Variants in ZMAT4 observed in about 807,000 individuals in gnomAD.
ZMAT4 encodes the protein zinc finger matrin-type protein 4.
In ZMAT4, 17 loss-of-function variants were observed where a neutral mutation model predicts 28.7. That is an observed-to-expected ratio of 0.59 (90% CI 0.41 to 0.89). ZMAT4 has a LOEUF of 0.89. Ranked by LOEUF, ZMAT4 falls within the 40% of genes least tolerant of loss-of-function variation. ZMAT4 has a pLI of 0.00. For synonymous variants in ZMAT4, 117 were observed against 109.2 expected, an observed-to-expected ratio of 1.07 and a Z score of -0.44; for missense variants, 240 against 283.8, an observed-to-expected ratio of 0.85 and a Z score of 1.11.
intron 5 of ZMAT4, among the ~76,000 whole-genome samples, chr8:40,621,102 A>G (rs543314175): frequency 5.3e-5 from 8 of 152,320 alleles, no homozygotes. Context: ...AGTGAGTACC[A>G]TGAAGAACAT....
chr8:40,890,699 T>G (rs534009874), intron 1 of ZMAT4, among the ~76,000 whole-genome samples: 1 of 152,296 alleles, frequency 6.6e-6, no homozygotes, highest in South Asian at 2.1e-4. Flanking sequence ...CATGTGGCAG[T>G]GGCCCCTCCC....
At chr8:40,760,920 G>C (rs1408731192) in intron 3 of ZMAT4, among the ~76,000 whole-genome samples, 2 of 152,038 alleles carry the variant, frequency 1.3e-5, no homozygotes, top group South Asian at 2.1e-4. Flanking sequence ...ACTGCATGTG[G>C]TTTCCTAAAA....
chr8:40,646,382 A>G (rs567589106), intron 5 of ZMAT4, among the ~76,000 whole-genome samples: 43 of 151,862 alleles, frequency 2.8e-4, no homozygotes, highest in African/African-American at 1.0e-3. Flanking sequence ...TATTGTAAAC[A>G]TACTTTAACT....
intron 5 of ZMAT4, among the ~76,000 whole-genome samples, chr8:40,598,709 A>C (rs1342895330): frequency 6.6e-6 from 1 of 152,204 alleles, no homozygotes; most frequent in Non-Finnish European, 1.5e-5. Flanking sequence ...GGGTATAATG[A>C]ATTTATTTTG....
chr8:40,807,871 T>C (rs1815158065), intron 2 of ZMAT4, among the ~76,000 whole-genome samples: 1 of 152,210 alleles, frequency 6.6e-6, no homozygotes, highest in African/African-American at 2.4e-5. Flanking sequence ...ACATTTAGGT[T>C]CTTAAAATAC....
intron 3 of ZMAT4, among the ~76,000 whole-genome samples, chr8:40,706,080 C>T (rs937581814): frequency 1.3e-5 from 2 of 151,984 alleles, no homozygotes; most frequent in Non-Finnish European, 2.9e-5. Context: ...TCTTTTGAGA[C>T]AGAGTCTCGC....
chr8:40,858,012 G>T (rs1267239024), intron 1 of ZMAT4, among the ~76,000 whole-genome samples: 1 of 152,192 alleles, frequency 6.6e-6, no homozygotes. Flanking sequence ...CTGGGGAATG[G>T]GAGTTATTGA....
At chr8:40,879,037 G>A (rs1322610238) in intron 1 of ZMAT4, among the ~76,000 whole-genome samples, 3 of 152,210 alleles carry the variant, frequency 2.0e-5, no homozygotes, top group Non-Finnish European at 4.4e-5. Context: ...GGAAGCTAAT[G>A]AAGTTCAGGG....
rs561918451 is a variant in ZMAT4 at position 40,683,410 on chromosome 8, G to A, written c.350-8479C>T. On this transcript the variant is annotated intron_variant, in intron 4 of 6. Transcript: ENST00000297737. The stretch of plus-strand genomic sequence containing the variant: ...GGCCACAGTTCTCAAACTCTGTGCA[G>A]AGCTGTCCTGTGATGACACAATGAA... Among the ~76,000 whole-genome samples, 3 of 152,292 alleles carry A rather than the reference G, an allele frequency of 2.0e-5. No homozygotes were observed. The South Asian group carries it at 6.2e-4, about 32-fold the overall frequency.
chr8:40,792,298 T>G (rs1444560686), intron 2 of ZMAT4, among the ~76,000 whole-genome samples: 1 of 151,660 alleles, frequency 6.6e-6, no homozygotes, highest in African/African-American at 2.4e-5. Context: ...TCTTGTTTTA[T>G]TTTTAAAAAG....
intron 2 of ZMAT4, among the ~76,000 whole-genome samples, chr8:40,774,046 G>GA (rs1165958333): frequency 2.0e-5 from 3 of 151,898 alleles, no homozygotes; most frequent in African/African-American, 7.2e-5. Flanking sequence ...AGCAAAGAAA[G>GA]AAAAAAATGC....
intron 2 of ZMAT4, 87 bp downstream of exon 2, chr8:40,825,488 C>T (rs1177818470): frequency 8.6e-7 from 1 of 1,160,636 alleles, no homozygotes; most frequent in Non-Finnish European, 1.2e-6. Context: ...TGCCCCAAGT[C>T]CAGAAGGAGG....
At chr8:40,896,483 C>A (rs185870249) in intron 1 of ZMAT4, among the ~76,000 whole-genome samples, 5 of 152,346 alleles carry the variant, frequency 3.3e-5, no homozygotes, top group Non-Finnish European at 5.9e-5. Flanking sequence ...GCGGTGGGCA[C>A]ACAAGCAGAA....
intron 5 of ZMAT4, among the ~76,000 whole-genome samples, chr8:40,605,753 C>T (rs1351498614): frequency 6.6e-6 from 1 of 152,098 alleles, no homozygotes; most frequent in Non-Finnish European, 1.5e-5. Context: ...CAAGTGCTGT[C>T]AGTGGAGTAT....
chr8:40,786,868 A>C, intron 2 of ZMAT4: 1 of 478,866 alleles, frequency 2.1e-6, no homozygotes, highest in Non-Finnish European at 3.6e-6. Flanking sequence ...GCCCACAAAG[A>C]GTAACTAGAA....
chr8:40,851,992 G>A (rs1586168749), intron 1 of ZMAT4, among the ~76,000 whole-genome samples: 1 of 152,162 alleles, frequency 6.6e-6, no homozygotes, highest in Non-Finnish European at 1.5e-5. Context: ...CGCCTCCAGG[G>A]TTCAAGTGAT....
At chr8:40,679,493 C>T (rs1344114242) in intron 4 of ZMAT4, among the ~76,000 whole-genome samples, 1 of 152,102 alleles carries the variant, frequency 6.6e-6, no homozygotes, top group Non-Finnish European at 1.5e-5. Flanking sequence ...TGGAAGAAAA[C>T]ACGTCCTTCT....
rs1405477601 is a variant in ZMAT4, at chr8:40,647,968, TG to T, written c.577+26735del. On this transcript the variant is annotated intron_variant, in intron 5 of 6. Transcript: ENST00000297737. The stretch of plus-strand genomic sequence containing the variant: ...CCAAAAGTAGATAAAACCACAAAGA[TG>T]GGGAAAAAACAGAACAGAAAAACTG... Among the ~76,000 whole-genome samples, 3 of 151,836 alleles carry T rather than the reference TG, an allele frequency of 2.0e-5. 1 individual carries two copies. The highest frequency in any genetic ancestry group is 2.0e-4 in the Admixed American group (3 of 15,244).
intron 1 of ZMAT4, among the ~76,000 whole-genome samples, chr8:40,875,728 A>G (rs1186540033): frequency 6.6e-6 from 1 of 152,156 alleles, no homozygotes; most frequent in Non-Finnish European, 1.5e-5. Flanking sequence ...CCCAGGAAGT[A>G]CAAGTTCTGC....
Sources: gnomAD v4.1 joint callset for allele counts (sites outside exome capture counted in the v4.1 genomes callset) on GRCh38, gnomAD v4.1.1 for gene constraint, MANE v1.5 for transcripts, NCBI Gene and HGNC (gene_info 2026-07-23, HGNC 2026-07-21) for gene names.